LRP8: variants seen among roughly 807,000 people sequenced by gnomAD.
LRP8 encodes LDL receptor related protein 8.
LRP8 carries 46 observed loss-of-function variants against 111.6 expected under a neutral mutation model. That is an observed-to-expected ratio of 0.41 (90% CI 0.33 to 0.53). LRP8 has a LOEUF of 0.53. Among genes scored for constraint, LRP8 ranks in the 20% least tolerant of loss-of-function variants. The pLI is 0.20. For synonymous variants in LRP8, 464 were observed against 511.2 expected (o/e 0.91, Z 1.24); for missense variants, 959 against 1,297.4 (o/e 0.74, Z 4.01).
chr1:53,261,916 G>T, intron 12 of LRP8, 152 bp downstream of exon 12: 2 of 924,308 alleles, frequency 2.2e-6, no homozygotes, highest in Non-Finnish European at 3.2e-6. Context: ...GCCTTTGTGT[G>T]CAGGCAGCTC....
At chr1:53,326,772 A>C in intron 2 of LRP8, 101 bp downstream of exon 2, 1 of 1,490,776 alleles carries the variant, frequency 6.7e-7, no homozygotes. Context: ...AGTCCCGCGC[A>C]GGTGGCAGCG....
Position 53,257,313 on chromosome 1 carries a change from T to C in LRP8, c.2361A>G (p.Ser787=). The change falls in exon 15 of 19, where the codon TCA becomes TCG. Residue 787 remains serine, a synonymous_variant. Transcript: ENST00000306052. ...TPSLTAAVPS[S]VSVPRAPSIS... Reference sequence around the variant, plus strand: ...TGCTGGGAGCCCTGGGGACACTAACTGAGCTTGGGACTGCAGCTGTCAGGC... The same window carrying C: ...TGCTGGGAGCCCTGGGGACACTAACCGAGCTTGGGACTGCAGCTGTCAGGC... The C allele has an allele frequency of 6.2e-7, 1 of 1,614,174 alleles. No homozygotes were observed. Among genetic ancestry groups the C allele is most frequent in the Non-Finnish European group, 8.5e-7 (1 of 1,180,036 alleles).
intron 2 of LRP8, among the ~76,000 whole-genome samples, chr1:53,298,885 T>G (rs7522745): frequency 4.6e-5 from 7 of 152,224 alleles, no homozygotes; most frequent in Non-Finnish European, 8.8e-5. Flanking sequence ...CTCTTCCGCT[T>G]CTTCTTTTGC....
intron 2 of LRP8, among the ~76,000 whole-genome samples, chr1:53,295,976 CT>C (rs998959012): frequency 2.0e-5 from 3 of 152,202 alleles, no homozygotes; most frequent in African/African-American, 7.2e-5. Flanking sequence ...CCGTCTGTCT[CT>C]GGGCCAGCCC....
intron 2 of LRP8, among the ~76,000 whole-genome samples, chr1:53,321,336 G>T (rs934163523): frequency 6.6e-6 from 1 of 152,122 alleles, no homozygotes; most frequent in Non-Finnish European, 1.5e-5. Context: ...TGGGGGGCAG[G>T]TGCTACCAAC....
At chr1:53,291,013 A>G (rs1210660665) in intron 2 of LRP8, among the ~76,000 whole-genome samples, 1 of 152,138 alleles carries the variant, frequency 6.6e-6, no homozygotes, top group Non-Finnish European at 1.5e-5. Context: ...AGGACCCGCT[A>G]CAGAACAAGG....
intron 2 of LRP8, among the ~76,000 whole-genome samples, chr1:53,324,395 G>A (rs575561181): frequency 9.6e-4 from 146 of 152,260 alleles, no homozygotes; most frequent in African/African-American, 3.3e-3. Flanking sequence ...CCAGGAGTCC[G>A]TTTCTAAAGG....
At position 53,303,293 on chromosome 1, in the gene LRP8, G is replaced by A. The variant is rs2100501937; in HGVS notation, c.245-13604C>T. ...AAGCATCTGGGTCCAGTGAGGTGGT[G>A]GGGAGCAGCCAGTCCTCACAGGGCC... On this transcript the variant is annotated intron_variant, in intron 2 of 18. Coordinates refer to ENST00000306052, the MANE Select transcript of LRP8 (RefSeq NM_004631.5). This position sits in a 1 kb window ranked among gnomAD's most constrained non-coding sequence, Gnocchi z 4.3. Among the ~76,000 whole-genome samples the A allele has an allele frequency of 6.6e-6, 1 of 152,324 alleles. No individual in the cohort carries two copies. The highest frequency in any genetic ancestry group is 1.9e-4 in the East Asian group (1 of 5,174).
At chr1:53,311,562 A>C (rs1357354290) in intron 2 of LRP8, among the ~76,000 whole-genome samples, 2 of 151,910 alleles carry the variant, frequency 1.3e-5, no homozygotes, top group Admixed American at 1.3e-4. Context: ...AGAACCACAG[A>C]GGAAGGAGCG....
intron 16 of LRP8, among the ~76,000 whole-genome samples, chr1:53,253,986 C>A (rs1424731605): frequency 6.6e-6 from 1 of 152,130 alleles, no homozygotes; most frequent in Non-Finnish European, 1.5e-5. Flanking sequence ...ATCCTTGGCA[C>A]TTGGCACAGT....
chr1:53,248,410 A>G (rs1174250087), intron 18 of LRP8, among the ~76,000 whole-genome samples: 1 of 152,208 alleles, frequency 6.6e-6, no homozygotes, highest in Non-Finnish European at 1.5e-5. Flanking sequence ...AAATGGACAG[A>G]GGAGAGACAG....
chr1:53,253,847 CTCTA>C (rs1557747937), intron 16 of LRP8, among the ~76,000 whole-genome samples: 1 of 152,198 alleles, frequency 6.6e-6, no homozygotes, highest in Non-Finnish European at 1.5e-5. Context: ...GTTCCTCTGT[CTCTA>C]TCTATATCCA....
chr1:53,320,352 G>A (rs1305859080), intron 2 of LRP8, among the ~76,000 whole-genome samples: 1 of 152,178 alleles, frequency 6.6e-6, no homozygotes, highest in African/African-American at 2.4e-5. Context: ...GGTGGGAGGG[G>A]GAAGCACATA....
In LRP8 at chr1:53,266,793, C is replaced by G; in HGVS notation, c.1253-146G>C. On this transcript the variant is annotated intron_variant, in intron 8 of 18. Coordinates refer to ENST00000306052, the MANE Select transcript of LRP8 (RefSeq NM_004631.5). This position sits in a 1 kb window ranked among gnomAD's most constrained non-coding sequence, Gnocchi z 5.0. ...ATTCCTACTTTACAGGTTGCAGGAG[C>G]AGATGAAATAATGAGTACAGAAAGC... 1 of 667,664 alleles carries G rather than the reference C, an allele frequency of 1.5e-6. No homozygotes were observed. The highest frequency in any genetic ancestry group is 1.8e-5 in the South Asian group (1 of 55,166). The allele number at this position is 667,664 out of a possible 1,614,324, so 41.4% of individuals were successfully genotyped here.
At position 53,265,155 on chromosome 1, in the gene LRP8, A is replaced by G. The variant is rs138854350; in HGVS notation, c.1428-759T>C. 4.6e-5 allele frequency among the ~76,000 whole-genome samples: 7 copies of G among 152,310 alleles called. No individual in the cohort carries two copies. In the East Asian group the frequency reaches 1.3e-3, roughly 29 times the overall value. ...GTGAGAATGGAAAGAAGGGCTAAGAATACAGTAGACACTCAGGAGGCAACA... is the reference window on the plus strand; with the variant it reads ...GTGAGAATGGAAAGAAGGGCTAAGAGTACAGTAGACACTCAGGAGGCAACA... On this transcript the variant is annotated intron_variant, in intron 9 of 18. Transcript: ENST00000306052.
In LRP8 at chr1:53,250,927, C is replaced by T; in HGVS notation, c.2504-65G>A. On this transcript the variant is annotated intron_variant, in intron 16 of 18. Transcript: ENST00000306052. The surrounding 1 kb of genome is among the most constrained non-coding windows in gnomAD (Gnocchi z 4.6). ...CCAACCCACTGCTCAGACATCTGTA[C>T]AAGGCTTGTCACCACTCCACTTTTA... is the stretch of plus-strand genomic sequence containing the variant. The T allele has an allele frequency of 7.2e-7, 1 of 1,395,850 alleles. No individual in the cohort carries two copies. Among genetic ancestry groups the T allele is most frequent in the Non-Finnish European group, 1.0e-6 (1 of 989,316 alleles). The allele number at this position is 1,395,850 out of a possible 1,614,324, so 86.5% of individuals were successfully genotyped here.
At position 53,279,792 on chromosome 1, in the gene LRP8, C is replaced by G. The variant is rs914821102; in HGVS notation, c.496+795G>C. Among the ~76,000 whole-genome samples, 6 of 152,204 alleles carry G rather than the reference C, an allele frequency of 3.9e-5. No homozygotes were observed. The highest frequency in any genetic ancestry group is 7.3e-5 in the Non-Finnish European group (5 of 68,032). ...CCTAGTAGCGACAGCCAGTCTGTCT[C>G]CCCCACTAATCATGTGTTCCCAGAG... On this transcript the variant is annotated intron_variant, in intron 4 of 18. Transcript: ENST00000306052. This position sits in a 1 kb window ranked among gnomAD's most constrained non-coding sequence, Gnocchi z 4.4.
In LRP8 at chr1:53,303,666, A is replaced by C. The variant is rs1651403658; in HGVS notation, c.245-13977T>G. 6.6e-6 allele frequency among the ~76,000 whole-genome samples: 1 copy of C among 152,194 alleles called. No individual in the cohort carries two copies. Among genetic ancestry groups the C allele is most frequent in the Admixed American group, 6.5e-5 (1 of 15,274 alleles). On this transcript the variant is annotated intron_variant, in intron 2 of 18. Transcript: ENST00000306052. The surrounding 1 kb of genome is among the most constrained non-coding windows in gnomAD (Gnocchi z 4.3). The stretch of plus-strand genomic sequence containing the variant: ...AGAATCTTTCCAGTTTTAAATCACA[A>C]ATCTTAGACTCACAAACAGAACAAA...
Position 53,257,276 on chromosome 1 carries a change from T to G in LRP8, c.2398A>C (p.Thr800Pro). 6.2e-7 allele frequency: 1 copy of G among 1,614,128 alleles called. No homozygotes were observed. ...TGGTTGCTGGTTGCAGGGCTTAGGG[T>G]AGACGGGCTGATGCTGGGAGCCCTG... ...VPRAPSISPS[T>P]LSPATSNHSQ... The change falls in exon 15 of 19, where the codon ACC (threonine) becomes CCC (proline). Residue 800 changes from threonine (T) to proline (P), a missense_variant. This residue lies in a region of LRP8 where 819 missense variants were observed against 1,097.6 expected (regional missense o/e 0.75). Transcript: ENST00000306052.
Sources: gnomAD v4.1 joint callset for allele counts (sites outside exome capture counted in the v4.1 genomes callset) on GRCh38, gnomAD v4.1.1 for gene constraint, gnomAD v4.1.1 regional missense constraint, Gnocchi (gnomAD v3.1) non-coding constraint, MANE v1.5 for transcripts, NCBI Gene and HGNC (gene_info 2026-07-23, HGNC 2026-07-21) for gene names.